PTCSC3: variants seen among roughly 807,000 people sequenced by gnomAD.
PTCSC3 encodes papillary thyroid carcinoma susceptibility candidate 3 (non-protein coding).
At chr14:36,175,971 T>G (rs150611168) in intron 1 of PTCSC3, among the ~76,000 whole-genome samples, 1 of 152,166 alleles carries the variant, frequency 6.6e-6, no homozygotes, top group Non-Finnish European at 1.5e-5. Context: ...ATTAAATTCA[T>G]GTAGAAAGAA....
At chr14:36,135,722 A>G (rs1295576014), downstream of PTCSC3, among the ~76,000 whole-genome samples, 2 of 152,166 alleles carry the variant, frequency 1.3e-5, no homozygotes, top group African/African-American at 4.8e-5. Context: ...TGTATTTTAA[A>G]TCTCTTTTAT....
At chr14:36,148,508 C>T (rs575052383) in intron 3 of PTCSC3, among the ~76,000 whole-genome samples, 2 of 152,348 alleles carry the variant, frequency 1.3e-5, no homozygotes, top group South Asian at 2.1e-4. Context: ...TGCAATGCCT[C>T]GCCCTGCTTC....
intron 3 of PTCSC3, among the ~76,000 whole-genome samples, chr14:36,149,383 T>A (rs1189363308): frequency 6.6e-6 from 1 of 152,170 alleles, no homozygotes; most frequent in African/African-American, 2.4e-5. Context: ...ATTACAGATG[T>A]TTTTATGGCC....
intron 2 of PTCSC3, among the ~76,000 whole-genome samples, chr14:36,157,823 A>G (rs1368281249): frequency 6.6e-6 from 1 of 152,182 alleles, no homozygotes; most frequent in Non-Finnish European, 1.5e-5. Flanking sequence ...TGGGGATAGC[A>G]TTCACTCTAT....
chr14:36,148,636 C>T (rs569478157), intron 3 of PTCSC3, among the ~76,000 whole-genome samples: 115 of 152,334 alleles, frequency 7.5e-4, no homozygotes, highest in African/African-American at 2.5e-3. Context: ...GCCTTGCTCA[C>T]GCTGGTAGCT....
intron 3 of PTCSC3, among the ~76,000 whole-genome samples, chr14:36,146,564 A>G (rs1304330504): frequency 5.3e-5 from 8 of 151,702 alleles, no homozygotes; most frequent in African/African-American, 1.9e-4. Context: ...GTCTCTGCAC[A>G]TGAGATGGGT....
intron 3 of PTCSC3, among the ~76,000 whole-genome samples, chr14:36,136,869 G>C (rs1419213163): frequency 1.3e-5 from 2 of 152,110 alleles, no homozygotes; most frequent in Non-Finnish European, 2.9e-5. Flanking sequence ...ATATTGAATG[G>C]CTAGAAGTTT....
rs187061819 is a variant in PTCSC3, at chr14:36,169,450, G to T, written n.172-6767C>A. 2.0e-3 allele frequency among the ~76,000 whole-genome samples: 304 copies of T among 152,170 alleles called. 1 individual carries two copies. The highest frequency in any genetic ancestry group is 7.2e-3 in the African/African-American group (297 of 41,530). ...AGAGAGAATGGAGAAAATGGATTCA[G>T]GTACAATCAGAATCTCCCAAACTGT... On this transcript the variant is annotated intron_variant and non_coding_transcript_variant, in intron 1 of 3. Coordinates refer to ENST00000556013, the Ensembl canonical transcript of PTCSC3.
chr14:36,166,875 AG>A (rs1244051352), intron 1 of PTCSC3, among the ~76,000 whole-genome samples: 1 of 152,226 alleles, frequency 6.6e-6, no homozygotes, highest in African/African-American at 2.4e-5. Flanking sequence ...CTGCACTGGA[AG>A]GTTAAAAGTG....
intron 3 of PTCSC3, among the ~76,000 whole-genome samples, chr14:36,151,284 C>A (rs747392862): frequency 6.6e-6 from 1 of 151,660 alleles, no homozygotes; most frequent in Non-Finnish European, 1.5e-5. Context: ...AAGGTATTAC[C>A]CCCCCGCCCC....
chr14:36,167,720 A>G (rs1390292590), intron 1 of PTCSC3, among the ~76,000 whole-genome samples: 4 of 152,170 alleles, frequency 2.6e-5, no homozygotes, highest in Non-Finnish European at 5.9e-5. Context: ...GAAAGAACCA[A>G]TCAAATCTCT....
chr14:36,163,516 A>G (rs573417402), intron 1 of PTCSC3, among the ~76,000 whole-genome samples: 1 of 152,300 alleles, frequency 6.6e-6, no homozygotes, highest in South Asian at 2.1e-4. Context: ...AAAGAAAAAT[A>G]TAAAAGAAAA....
intron 3 of PTCSC3, among the ~76,000 whole-genome samples, chr14:36,137,344 G>A (rs12437348): frequency 0.65 from 98,181 of 152,006 alleles, 32,645 homozygotes; most frequent in Non-Finnish European, 0.72. Flanking sequence ...CAAGGGGACC[G>A]TATTCTGGAG....
chr14:36,162,282 A>AC (rs1243131267), intron 2 of PTCSC3, among the ~76,000 whole-genome samples: 2,498 of 127,994 alleles, frequency 0.02, 73 homozygotes, highest in South Asian at 0.038. Context: ...AAAAAAAAAA[A>AC]AAACTCCTGC....
At chr14:36,150,437 T>A (rs1280362508) in intron 3 of PTCSC3, among the ~76,000 whole-genome samples, 2 of 152,320 alleles carry the variant, frequency 1.3e-5, no homozygotes, top group East Asian at 3.9e-4. Context: ...GTGACTTGAT[T>A]GTGGACTTCC....
rs534763558 is a variant in PTCSC3 at position 36,139,211 on chromosome 14, A to G, written n.323-2855T>C. ...GAATCTTTATTAATAAGAGCCTTGA[A>G]CTGAAAACAATTGAAGGTAATTGTG... On this transcript the variant is annotated intron_variant and non_coding_transcript_variant, in intron 3 of 3. Transcript: ENST00000556013. Among the ~76,000 whole-genome samples, 12 of 152,236 alleles carry G rather than the reference A, an allele frequency of 7.9e-5. No homozygotes were observed. The East Asian group carries it at 2.1e-3, about 27-fold the overall frequency.
chr14:36,145,268 C>T (rs1037835548), intron 3 of PTCSC3, among the ~76,000 whole-genome samples: 42 of 150,228 alleles, frequency 2.8e-4, no homozygotes, highest in Middle Eastern at 6.9e-3. Context: ...TGGTAGAATT[C>T]GGCTGTGAAT....
At chr14:36,165,542 TAA>T (rs149624041) in intron 1 of PTCSC3, among the ~76,000 whole-genome samples, 2,279 of 142,404 alleles carry the variant, frequency 0.016, 31 homozygotes, top group South Asian at 0.034. Context: ...TTGCAATCTA[TAA>T]AAAAAAAAAG....
chr14:36,157,972 C>T (rs374193168), intron 2 of PTCSC3, among the ~76,000 whole-genome samples: 3 of 152,218 alleles, frequency 2.0e-5, no homozygotes, highest in East Asian at 3.8e-4. Context: ...AGGTCCTTCA[C>T]ATCCCTTGTA....
Sources: gnomAD v4.1 joint callset for allele counts (sites outside exome capture counted in the v4.1 genomes callset) on GRCh38, gnomAD v4.1.1 for gene constraint, MANE v1.5 for transcripts, NCBI Gene and HGNC (gene_info 2026-07-23, HGNC 2026-07-21) for gene names.